The following CXCL13 variants were observed in gnomAD, a reference collection of about 807,000 sequenced individuals.
The protein encoded by CXCL13 is C-X-C motif chemokine 13.
A neutral mutation model predicts 12.2 loss-of-function variants in CXCL13; 7 were observed. The ratio of observed to expected loss-of-function variants is 0.57; its 90% CI spans 0.33 to 1.07. The LOEUF is 1.07. Among genes scored for constraint, CXCL13 ranks in the 50% least tolerant of loss-of-function variants. CXCL13 has a pLI of 0.04. For missense variants in CXCL13, 113 were observed against 127.4 expected, an observed-to-expected ratio of 0.89 and a Z score of 0.55; for synonymous variants, 47 against 42.4, an observed-to-expected ratio of 1.11 and a Z score of -0.42.
chr4:77,584,486 A>T (rs920219793), intron 1 of CXCL13, among the ~76,000 whole-genome samples: 23 of 152,376 alleles, frequency 1.5e-4, no homozygotes, highest in African/African-American at 5.5e-4. Context: ...CTGCTACCAG[A>T]AATGAAAATA....
At chr4:77,569,940 G>A (rs1726027986) in intron 1 of CXCL13, among the ~76,000 whole-genome samples, 1 of 152,146 alleles carries the variant, frequency 6.6e-6, no homozygotes, top group Non-Finnish European at 1.5e-5. Context: ...TAGGCCAATG[G>A]AACAGAATAG....
At chr4:77,597,071 A>T (rs1726785052) in intron 1 of CXCL13, among the ~76,000 whole-genome samples, 1 of 152,240 alleles carries the variant, frequency 6.6e-6, no homozygotes, top group African/African-American at 2.4e-5. Context: ...ATAAAGAAGC[A>T]TATTGCATAA....
chr4:77,607,861 A>G, intron 2 of CXCL13, 26 bp downstream of exon 2: 2 of 1,608,820 alleles, frequency 1.2e-6, no homozygotes, highest in East Asian at 4.5e-5. Flanking sequence ...AAAATAAATA[A>G]GATTTCCTTC....
chr4:77,517,992 G>C (rs2110078537), intron 1 of CXCL13, among the ~76,000 whole-genome samples: 1 of 152,240 alleles, frequency 6.6e-6, no homozygotes, highest in Non-Finnish European at 1.5e-5. Flanking sequence ...AGCTCTTTAA[G>C]GGCAGGCCTG....
At chr4:77,514,842 T>C (rs963065144) in intron 1 of CXCL13, among the ~76,000 whole-genome samples, 2 of 152,330 alleles carry the variant, frequency 1.3e-5, no homozygotes, top group African/African-American at 4.8e-5. Context: ...TGGCTTTTGT[T>C]GCCATTGCTT....
At chr4:77,590,350 A>G (rs566513015) in intron 1 of CXCL13, among the ~76,000 whole-genome samples, 1 of 152,350 alleles carries the variant, frequency 6.6e-6, no homozygotes, top group African/African-American at 2.4e-5. Flanking sequence ...AAAAGTCACC[A>G]TCCTACTTCA....
chr4:77,546,066 G>T (rs1725354804), intron 1 of CXCL13, among the ~76,000 whole-genome samples: 1 of 152,130 alleles, frequency 6.6e-6, no homozygotes, highest in Admixed American at 6.6e-5. Flanking sequence ...ATTTGCATAT[G>T]TTAAACCAGC....
At chr4:77,545,274 T>A (rs1292408033) in intron 1 of CXCL13, among the ~76,000 whole-genome samples, 1 of 152,218 alleles carries the variant, frequency 6.6e-6, no homozygotes, top group Non-Finnish European at 1.5e-5. Context: ...TTTTTTCTAA[T>A]TCTGTGAAGG....
intron 1 of CXCL13, among the ~76,000 whole-genome samples, chr4:77,538,717 G>A (rs1025453929): frequency 8.5e-5 from 13 of 152,160 alleles, no homozygotes; most frequent in African/African-American, 3.1e-4. Flanking sequence ...TCATATCTGA[G>A]CTCAGTACTG....
At chr4:77,575,808 G>A (rs1726185369) in intron 1 of CXCL13, among the ~76,000 whole-genome samples, 1 of 151,670 alleles carries the variant, frequency 6.6e-6, no homozygotes, top group South Asian at 2.1e-4. Flanking sequence ...AGGTACATGG[G>A]ATTGCCAAAA....
intron 1 of CXCL13, among the ~76,000 whole-genome samples, chr4:77,596,003 A>G (rs964257535): frequency 2.0e-5 from 3 of 152,220 alleles, no homozygotes; most frequent in Admixed American, 6.5e-5. Flanking sequence ...CAGCTTGGGT[A>G]CAAATGGGGA....
In CXCL13 at chr4:77,611,303, C is replaced by A; in HGVS notation, c.*264C>A. ...AATAGTTATTCAGTTATAAGTAATA[C>A]AGGATTATTTTGATTATATACTTGT... On this transcript the variant is annotated 3_prime_UTR_variant, in exon 4 of 4. Transcript: ENST00000682537. The A allele has an allele frequency of 2.6e-6, 1 of 391,048 alleles. No individual in the cohort carries two copies. The highest frequency in any genetic ancestry group is 4.5e-6 in the Non-Finnish European group (1 of 221,608). 24.2% of individuals were successfully genotyped at this position (391,048 alleles called of 1,614,324 possible).
At chr4:77,563,933 T>A (rs138603270) in intron 1 of CXCL13, among the ~76,000 whole-genome samples, 2 of 152,314 alleles carry the variant, frequency 1.3e-5, no homozygotes, top group African/African-American at 2.4e-5. Flanking sequence ...GTCTGTGGCA[T>A]AAAGTTTTTC....
chr4:77,560,619 G>A (rs1578054089), intron 1 of CXCL13, among the ~76,000 whole-genome samples: 1 of 152,144 alleles, frequency 6.6e-6, no homozygotes, highest in Non-Finnish European at 1.5e-5. Flanking sequence ...GACCAGAATA[G>A]CCTCCCAGTG....
intron 1 of CXCL13, among the ~76,000 whole-genome samples, chr4:77,553,518 G>A (rs893834914): frequency 6.6e-6 from 1 of 152,216 alleles, no homozygotes; most frequent in East Asian, 1.9e-4. Flanking sequence ...GGAAAACAAA[G>A]TGCTCTCCCT....
intron 1 of CXCL13, among the ~76,000 whole-genome samples, chr4:77,519,300 A>G (rs1237084607): frequency 1.3e-5 from 2 of 152,176 alleles, no homozygotes; most frequent in Admixed American, 1.3e-4. Context: ...GCGTGCTGGG[A>G]GAACCACTGT....
chr4:77,573,354 T>G lies in CXCL13; in HGVS notation c.-42-32470T>G, dbSNP rs528748893. On this transcript the variant is annotated intron_variant, in intron 1 of 4. Coordinates refer to the CXCL13 transcript ENST00000286758. ...CTAGAGTTCCAAGAAAAAAAGCTAT[T>G]GGGTCTTTTGTGTGTGTGTGTGTGT... Among the ~76,000 whole-genome samples the G allele has an allele frequency of 8.2e-4, 120 of 146,034 alleles. 1 individual carries two copies. The East Asian group carries it at 0.023, about 28-fold the overall frequency.
chr4:77,539,093 C>A (rs1291680762), intron 1 of CXCL13, among the ~76,000 whole-genome samples: 2 of 145,722 alleles, frequency 1.4e-5, no homozygotes, highest in Non-Finnish European at 3.0e-5. Flanking sequence ...GAAATGGAGT[C>A]TAGCTCTGTC....
intron 2 of CXCL13, among the ~76,000 whole-genome samples, chr4:77,610,238 C>T (rs1276305191): frequency 6.6e-6 from 1 of 152,090 alleles, no homozygotes; most frequent in Non-Finnish European, 1.5e-5. Flanking sequence ...TTTGTTCTCC[C>T]AAATGCAGTG....
Sources: gnomAD v4.1 joint callset for allele counts (sites outside exome capture counted in the v4.1 genomes callset) on GRCh38, gnomAD v4.1.1 for gene constraint, MANE v1.5 for transcripts, NCBI Gene and HGNC (gene_info 2026-07-23, HGNC 2026-07-21) for gene names.